Variants in HECW1 observed in about 807,000 individuals in gnomAD.
The protein encoded by HECW1 is HECT, C2 and WW domain containing E3 ubiquitin protein ligase 1.
A neutral mutation model predicts 182.3 loss-of-function variants in HECW1; 61 were observed. The ratio of observed to expected loss-of-function variants is 0.33; its 90% CI spans 0.27 to 0.41. The LOEUF is 0.41. Among genes scored for constraint, HECW1 ranks in the 10% least tolerant of loss-of-function variants. The probability of loss-of-function intolerance (pLI) is 1.00; values close to 1 mark genes in which losing one functional copy is unlikely to be tolerated. For synonymous variants in HECW1, 859 were observed against 832.6 expected, an observed-to-expected ratio of 1.03 and a Z score of -0.55; for missense variants, 1,739 against 2,108.9, an observed-to-expected ratio of 0.82 and a Z score of 3.44.
chr7:43,452,764 G>T (rs2077276167), intron 12 of HECW1, among the ~76,000 whole-genome samples: 1 of 152,180 alleles, frequency 6.6e-6, no homozygotes, highest in Non-Finnish European at 1.5e-5. Context: ...TTCGTGTGGG[G>T]GTGGCTGGTT....
chr7:43,508,387 T>C (rs1479902288), intron 23 of HECW1, among the ~76,000 whole-genome samples: 4 of 152,186 alleles, frequency 2.6e-5, no homozygotes, highest in Non-Finnish European at 5.9e-5. Context: ...CACTGAATCT[T>C]TCCTTTTTAG....
intron 2 of HECW1, among the ~76,000 whole-genome samples, chr7:43,237,832 T>TC (rs113519082): frequency 1.3e-5 from 2 of 149,758 alleles, no homozygotes; most frequent in Non-Finnish European, 2.9e-5. Flanking sequence ...CACCAGTCTT[T>TC]CCCCCCCGCC....
At chr7:43,123,404 G>T (rs989099340) in intron 2 of HECW1, among the ~76,000 whole-genome samples, 1 of 152,172 alleles carries the variant, frequency 6.6e-6, no homozygotes, top group African/African-American at 2.4e-5. Context: ...AAGGCACTAG[G>T]TCTGCTTGCC....
At chr7:43,299,788 C>T (rs979091431) in intron 3 of HECW1, among the ~76,000 whole-genome samples, 3 of 152,228 alleles carry the variant, frequency 2.0e-5, no homozygotes, top group Non-Finnish European at 4.4e-5. Flanking sequence ...CAGCCCACAT[C>T]ACAGAGTCTT....
intron 3 of HECW1, among the ~76,000 whole-genome samples, chr7:43,299,518 G>A (rs1806468631): frequency 6.6e-6 from 1 of 152,114 alleles, no homozygotes; most frequent in South Asian, 2.1e-4. Flanking sequence ...GTTTAGTCCT[G>A]CATAATTGAG....
At chr7:43,268,425 C>T (rs557381731) in intron 3 of HECW1, among the ~76,000 whole-genome samples, 19 of 152,346 alleles carry the variant, frequency 1.2e-4, no homozygotes, top group Non-Finnish European at 2.1e-4. Flanking sequence ...GAGGCTCTCA[C>T]CTGGGGGTGA....
chr7:43,217,368 A>G (rs1362646550), intron 2 of HECW1, among the ~76,000 whole-genome samples: 1 of 152,364 alleles, frequency 6.6e-6, no homozygotes, highest in Non-Finnish European at 1.5e-5. Context: ...CCTTTCTGGG[A>G]ATACAGATAA....
At chr7:43,130,295 A>G (rs184135957) in intron 2 of HECW1, among the ~76,000 whole-genome samples, 79 of 152,352 alleles carry the variant, frequency 5.2e-4, no homozygotes, top group African/African-American at 1.8e-3. Context: ...ACAATGAGGT[A>G]TCTTGAGGCT....
intron 2 of HECW1, among the ~76,000 whole-genome samples, chr7:43,184,654 T>C (rs142976447): frequency 2.6e-5 from 4 of 152,254 alleles, no homozygotes; most frequent in East Asian, 3.9e-4. Flanking sequence ...AAAGGTTGAG[T>C]TGATCACCAA....
At chr7:43,143,277 G>A (rs185087231) in intron 2 of HECW1, among the ~76,000 whole-genome samples, 59 of 151,766 alleles carry the variant, frequency 3.9e-4, no homozygotes, top group African/African-American at 9.7e-4. Flanking sequence ...GGCCAAGGCC[G>A]CCTTTCTTTT....
intron 3 of HECW1, among the ~76,000 whole-genome samples, chr7:43,252,525 C>G (rs912797519): frequency 1.3e-5 from 2 of 152,260 alleles, no homozygotes; most frequent in Non-Finnish European, 2.9e-5. Flanking sequence ...TGGGAACACC[C>G]TGGCTTATAC....
intron 27 of HECW1, among the ~76,000 whole-genome samples, chr7:43,551,234 T>C (rs1479329707): frequency 6.6e-6 from 1 of 152,162 alleles, no homozygotes; most frequent in East Asian, 1.9e-4. Flanking sequence ...ACCTCAGTTG[T>C]GCCTGGGTAC....
At chr7:43,270,285 G>T (rs1471157223) in intron 3 of HECW1, among the ~76,000 whole-genome samples, 2 of 152,240 alleles carry the variant, frequency 1.3e-5, no homozygotes, top group Non-Finnish European at 2.9e-5. Context: ...TCAGATGTCA[G>T]CTGGGGCTGC....
intron 4 of HECW1, among the ~76,000 whole-genome samples, chr7:43,315,455 CATTATTATTGTTATT>C (rs1321372553): frequency 6.8e-5 from 8 of 117,736 alleles, no homozygotes; most frequent in African/African-American, 4.6e-4. Flanking sequence ...TCTCCCGTCC[CATTATTATTGTTATT>C]ATTATTATTA....
chr7:43,469,945 C>T (rs889008045), intron 16 of HECW1, among the ~76,000 whole-genome samples: 1 of 152,138 alleles, frequency 6.6e-6, no homozygotes, highest in South Asian at 2.1e-4. Context: ...AATGTCCCCT[C>T]GAAGCCATGA....
At position 43,450,914 on chromosome 7, in the gene HECW1, G is replaced by C; in HGVS notation, c.2485G>C (p.Glu829Gln). The C allele has an allele frequency of 6.2e-7, 1 of 1,609,646 alleles. No homozygotes were observed. The change falls in exon 12 of 30, where the codon GAG (glutamate) becomes CAG (glutamine). Residue 829 changes from glutamate (E) to glutamine (Q), a missense_variant. By Grantham distance (29) the Glu-to-Gln change is conservative. Coordinates refer to ENST00000395891, the MANE Select transcript of HECW1 (RefSeq NM_015052.5). ...PEHHHYPTID[E>Q]PLPPNWEARI... ...ACATCATCACTACCCAACAATCGAT[G>C]AGCCTCTTCCACCAAGTAAGCTTTA...
Position 43,444,384 on chromosome 7 carries a change from T to C in HECW1, c.1212T>C (p.Gly404=). 1 of 1,613,900 alleles carries C rather than the reference T, an allele frequency of 6.2e-7. No individual in the cohort carries two copies. The highest frequency in any genetic ancestry group is 1.1e-5 in the South Asian group (1 of 91,048). The part of the protein sequence containing the change: ...EQLGEGSVPD[G]PGNQSIELSR... ...TGGGTGAGGGCAGTGTCCCCGATGG[T>C]CCAGGGAACCAAAGCATAGAGCTTT... is the stretch of plus-strand genomic sequence containing the variant. The change falls in exon 11 of 30, where the codon GGT becomes GGC. Residue 404 remains glycine (G), a synonymous_variant. Coordinates refer to ENST00000395891, the MANE Select transcript of HECW1 (RefSeq NM_015052.5). This position sits in a 1 kb window ranked among gnomAD's most constrained non-coding sequence, Gnocchi z 4.3.
intron 2 of HECW1, among the ~76,000 whole-genome samples, chr7:43,138,491 A>G (rs1253156439): frequency 1.3e-5 from 2 of 152,130 alleles, no homozygotes; most frequent in African/African-American, 4.8e-5. Flanking sequence ...GGGGGAGTTC[A>G]TTGTCGTGTC....
At chr7:43,492,253 T>A (rs529187904) in intron 18 of HECW1, 73 bp downstream of exon 18, 64 of 1,154,102 alleles carry the variant, frequency 5.5e-5, no homozygotes, top group Admixed American at 3.1e-4. Flanking sequence ...TGTTTGTTTT[T>A]CTGGTTTTTG....
Sources: allele counts gnomAD v4.1 joint callset (sites outside exome capture counted in the v4.1 genomes callset), GRCh38; gene constraint gnomAD v4.1.1; non-coding constraint Gnocchi (gnomAD v3.1); transcripts MANE v1.5; gene names NCBI Gene and HGNC (gene_info 2026-07-23, HGNC 2026-07-21).